Variants in NEK11 observed in about 807,000 individuals in gnomAD.
NEK11 encodes NIMA related kinase 11.
NEK11 carries 72 observed loss-of-function variants against 80.7 expected under a neutral mutation model. The ratio of observed to expected loss-of-function variants is 0.89; its 90% CI spans 0.74 to 1.08. NEK11 has a LOEUF of 1.08. Among genes scored for constraint, NEK11 ranks in the 50% least tolerant of loss-of-function variants. NEK11 has a pLI of 0.00. For missense variants in NEK11, 764 were observed against 763.6 expected, an observed-to-expected ratio of 1.00 and a Z score of -0.01; for synonymous variants, 251 against 260.7, an observed-to-expected ratio of 0.96 and a Z score of 0.36.
intron 3 of NEK11, among the ~76,000 whole-genome samples, chr3:131,056,205 C>G (rs1245936316): frequency 6.6e-6 from 1 of 152,172 alleles, no homozygotes; most frequent in African/African-American, 2.4e-5. Context: ...TGTGTTTCTG[C>G]TCTGCTGAAG....
intron 14 of NEK11, among the ~76,000 whole-genome samples, chr3:131,186,614 C>A (rs533924915): frequency 6.6e-6 from 1 of 152,212 alleles, no homozygotes; most frequent in South Asian, 2.1e-4. Context: ...CGTTTAGAGC[C>A]CATACACTAG....
intron 3 of NEK11, among the ~76,000 whole-genome samples, chr3:131,058,140 T>G (rs1329605976): frequency 2.0e-5 from 3 of 152,316 alleles, no homozygotes; most frequent in African/African-American, 7.2e-5. Context: ...ATTTATTAAA[T>G]AGGGAATCCT....
chr3:131,039,455 G>T (rs551400442), intron 3 of NEK11, among the ~76,000 whole-genome samples: 4 of 152,216 alleles, frequency 2.6e-5, no homozygotes, highest in African/African-American at 9.6e-5. Flanking sequence ...TGGTGCATCC[G>T]GCAGCCCAGC....
At chr3:131,115,019 A>G (rs1048978222) in intron 5 of NEK11, among the ~76,000 whole-genome samples, 1 of 152,194 alleles carries the variant, frequency 6.6e-6, no homozygotes, top group Non-Finnish European at 1.5e-5. Context: ...GCCCAGAATT[A>G]CACATTGTTT....
intron 7 of NEK11, among the ~76,000 whole-genome samples, chr3:131,139,749 A>G (rs2086460079): frequency 6.6e-6 from 1 of 152,208 alleles, no homozygotes; most frequent in Non-Finnish European, 1.5e-5. Context: ...AAATCTTATC[A>G]CCACACTTCA....
At chr3:131,345,112 A>G (rs2097342359) in intron 17 of NEK11, among the ~76,000 whole-genome samples, 1 of 151,660 alleles carries the variant, frequency 6.6e-6, no homozygotes, top group South Asian at 2.1e-4. Flanking sequence ...CAAATGACCA[A>G]CTCTTGGTTT....
chr3:131,135,586 T>C (rs2085406415), intron 7 of NEK11, among the ~76,000 whole-genome samples: 1 of 152,178 alleles, frequency 6.6e-6, no homozygotes, highest in Non-Finnish European at 1.5e-5. Context: ...GGAGTCCCTT[T>C]CTCTAGTTTG....
chr3:131,195,001 T>A (rs753498538), intron 14 of NEK11, among the ~76,000 whole-genome samples: 1 of 152,174 alleles, frequency 6.6e-6, no homozygotes, highest in Non-Finnish European at 1.5e-5. Context: ...GTAATGAGCG[T>A]GGTAAGAACC....
intron 7 of NEK11, among the ~76,000 whole-genome samples, chr3:131,134,556 A>C (rs1392602500): frequency 6.6e-6 from 1 of 151,836 alleles, no homozygotes; most frequent in Non-Finnish European, 1.5e-5. Flanking sequence ...TCCCACCACC[A>C]CGCCTGGCTA....
intron 3 of NEK11, among the ~76,000 whole-genome samples, chr3:131,043,020 G>A (rs2066771222): frequency 6.6e-6 from 1 of 152,172 alleles, no homozygotes; most frequent in South Asian, 2.1e-4. Context: ...CAGAAGAGGG[G>A]CCTGACTGTT....
chr3:131,095,694 C>T (rs965152084), intron 4 of NEK11, among the ~76,000 whole-genome samples: 7 of 152,092 alleles, frequency 4.6e-5, no homozygotes, highest in African/African-American at 1.7e-4. Flanking sequence ...GCTTCCCATG[C>T]AATTTAACAC....
chr3:131,148,783 T>A (rs72989855), intron 7 of NEK11, among the ~76,000 whole-genome samples: 3,810 of 151,820 alleles, frequency 0.025, 168 homozygotes, highest in African/African-American at 0.088. Flanking sequence ...AAGGGCTTGG[T>A]GTACAGATTA....
intron 14 of NEK11, chr3:131,184,803 C>A: frequency 3.6e-6 from 3 of 823,964 alleles, no homozygotes; most frequent in Non-Finnish European, 4.9e-6. Context: ...TTTTTGAGTC[C>A]CCTAGCTGTT....
chr3:131,227,166 T>G (rs2095224661), intron 14 of NEK11, among the ~76,000 whole-genome samples: 1 of 152,134 alleles, frequency 6.6e-6, no homozygotes, highest in Non-Finnish European at 1.5e-5. Context: ...TTTTGTCTTT[T>G]GAGCTGACTA....
intron 3 of NEK11, among the ~76,000 whole-genome samples, chr3:131,033,142 A>C (rs556377796): frequency 3.9e-5 from 6 of 152,166 alleles, no homozygotes; most frequent in Admixed American, 2.0e-4. Context: ...TCAATTCATC[A>C]GTGATTGTTA....
At chr3:131,259,344 C>A (rs530045718) in intron 16 of NEK11, among the ~76,000 whole-genome samples, 152 of 152,332 alleles carry the variant, frequency 1.0e-3, no homozygotes, top group African/African-American at 3.4e-3. Context: ...AAAATCAATT[C>A]TCTGAAAGAG....
chr3:131,349,483 G>T (rs1347001351), intron 17 of NEK11, 74 bp from the exon 18 acceptor site: 11 of 1,270,192 alleles, frequency 8.7e-6, no homozygotes, highest in Admixed American at 8.6e-5. Flanking sequence ...TAAAATCAAT[G>T]ATTTAAAAGC....
At chr3:131,257,630 A>G (rs560821289) in intron 16 of NEK11, among the ~76,000 whole-genome samples, 1 of 152,206 alleles carries the variant, frequency 6.6e-6, no homozygotes, top group Admixed American at 6.5e-5. Context: ...TTTTCAATTT[A>G]TCTTCTGTTC....
chr3:131,267,887 T>C (rs559773326), intron 16 of NEK11, among the ~76,000 whole-genome samples: 1 of 152,358 alleles, frequency 6.6e-6, no homozygotes, highest in South Asian at 2.1e-4. Context: ...GGTTCCATAC[T>C]CCTCATCACT....
Sources: gnomAD v4.1 joint callset for allele counts (sites outside exome capture counted in the v4.1 genomes callset) on GRCh38, gnomAD v4.1.1 for gene constraint, MANE v1.5 for transcripts, NCBI Gene and HGNC (gene_info 2026-07-23, HGNC 2026-07-21) for gene names.